The following SLC6A16 variants were observed in gnomAD, a reference collection of about 807,000 sequenced individuals.
The protein encoded by SLC6A16 is solute carrier family 6 member 16, also known as orphan sodium- and chloride-dependent neurotransmitter transporter NTT5.
A neutral mutation model predicts 65.4 loss-of-function variants in SLC6A16; 54 were observed. The ratio of observed to expected loss-of-function variants is 0.83; its 90% CI spans 0.66 to 1.04. The LOEUF (loss-of-function observed/expected upper bound fraction) is 1.04. Among genes scored for constraint, SLC6A16 ranks in the 50% least tolerant of loss-of-function variants. SLC6A16 has a pLI of 0.00. For synonymous variants in SLC6A16, 330 were observed against 346.5 expected, an observed-to-expected ratio of 0.95 and a Z score of 0.53; for missense variants, 816 against 914.0, an observed-to-expected ratio of 0.89 and a Z score of 1.38.
chr19:49,338,804 G>T, the SLC6A16 span: 1 of 1,613,934 alleles, frequency 6.2e-7, no homozygotes, highest in South Asian at 1.1e-5. This position sits in a 1 kb window ranked among gnomAD's most constrained non-coding sequence, Gnocchi z 5.0. Flanking sequence ...GCTACAACTT[G>T]TCGGCGACCA....
At chr19:49,301,521 G>A (rs1970292265) in intron 7 of SLC6A16, among the ~76,000 whole-genome samples, 1 of 152,200 alleles carries the variant, frequency 6.6e-6, no homozygotes, top group African/African-American at 2.4e-5. Context: ...CCTGGCCACT[G>A]TGCAGCTCCC....
the SLC6A16 span, chr19:49,338,585 C>T: frequency 9.2e-6 from 7 of 759,572 alleles, no homozygotes; most frequent in South Asian, 7.8e-5. This position sits in a 1 kb window ranked among gnomAD's most constrained non-coding sequence, Gnocchi z 5.0. Flanking sequence ...CCACTCCACA[C>T]CCACCACTTA....
intron 1 of SLC6A16, among the ~76,000 whole-genome samples, chr19:49,319,634 C>T (rs1411849195): frequency 1.3e-5 from 2 of 151,664 alleles, no homozygotes; most frequent in African/African-American, 4.8e-5. Flanking sequence ...CTTTAATACC[C>T]CACTACGAAC....
At chr19:49,335,767 C>T in the SLC6A16 span, 1 of 1,613,502 alleles carries the variant, frequency 6.2e-7, no homozygotes, top group Non-Finnish European at 8.5e-7. This position sits in a 1 kb window ranked among gnomAD's most constrained non-coding sequence, Gnocchi z 4.6. Flanking sequence ...TTGACAAGAC[C>T]AGCTTCGTGT....
At chr19:49,315,455 T>G (rs1970599308) in intron 1 of SLC6A16, among the ~76,000 whole-genome samples, 1 of 152,010 alleles carries the variant, frequency 6.6e-6, no homozygotes, top group African/African-American at 2.4e-5. Context: ...AAGCAGAAAA[T>G]CATGCAGGGA....
At chr19:49,339,421 G>C in the SLC6A16 span, 1 of 1,612,512 alleles carries the variant, frequency 6.2e-7, no homozygotes, top group East Asian at 2.2e-5. The surrounding 1 kb of genome is among the most constrained non-coding windows in gnomAD (Gnocchi z 4.5). Context: ...GAGGTGATCT[G>C]GCCCCGCCCC....
the SLC6A16 span, chr19:49,338,918 G>A: frequency 1.2e-6 from 2 of 1,613,244 alleles, no homozygotes; most frequent in Non-Finnish European, 8.5e-7. This position sits in a 1 kb window ranked among gnomAD's most constrained non-coding sequence, Gnocchi z 5.0. Context: ...TCCCTGCAGA[G>A]AGCCACATCT....
the SLC6A16 span, chr19:49,336,916 C>T: frequency 2.5e-6 from 4 of 1,614,006 alleles, no homozygotes; most frequent in Non-Finnish European, 1.7e-6. Flanking sequence ...CAGGCTTGGC[C>T]TTCGTGCCTC....
intron 8 of SLC6A16, 80 bp downstream of exon 8, chr19:49,294,287 G>A: frequency 3.7e-6 from 5 of 1,369,456 alleles, no homozygotes; most frequent in South Asian, 2.5e-5. Context: ...ATTTTTGCTG[G>A]TGCTAATAAA....
chr19:49,293,508 T>A, intron 9 of SLC6A16, 126 bp from the exon 10 acceptor site: 1 of 862,398 alleles, frequency 1.2e-6, no homozygotes, highest in Non-Finnish European at 1.8e-6. Context: ...CTTACATGTG[T>A]AATCCAAGCA....
chr19:49,335,364 T>TACATGAAG, the SLC6A16 span: 4 of 620,030 alleles, frequency 6.5e-6, no homozygotes, highest in Non-Finnish European at 1.1e-5. The surrounding 1 kb of genome is among the most constrained non-coding windows in gnomAD (Gnocchi z 4.6). Flanking sequence ...AAAGCCACCT[T>TACATGAAG]ACATGAAGCG....
intron 1 of SLC6A16, among the ~76,000 whole-genome samples, chr19:49,316,050 T>C (rs913912496): frequency 5.3e-5 from 8 of 152,136 alleles, no homozygotes; most frequent in Non-Finnish European, 1.2e-4. Context: ...ACAGATAAAT[T>C]ATTTAAATTA....
At chr19:49,319,088 C>T (rs1420805553) in intron 1 of SLC6A16, among the ~76,000 whole-genome samples, 1 of 151,498 alleles carries the variant, frequency 6.6e-6, no homozygotes, top group East Asian at 1.9e-4. Flanking sequence ...CTGAAGATTA[C>T]TGGCAGATTT....
At chr19:49,314,332 C>T (rs1389334200) in intron 1 of SLC6A16, among the ~76,000 whole-genome samples, 1 of 152,058 alleles carries the variant, frequency 6.6e-6, no homozygotes, top group African/African-American at 2.4e-5. Flanking sequence ...AAACCTCTTC[C>T]TTATAGTAGA....
intron 1 of SLC6A16, chr19:49,312,608 T>C (rs1970543238): frequency 6.1e-6 from 6 of 981,488 alleles, no homozygotes; most frequent in Non-Finnish European, 7.3e-6. Flanking sequence ...GCAAGGAGTG[T>C]GCTGAAAAAA....
intron 6 of SLC6A16, 81 bp from the exon 7 acceptor site, chr19:49,309,198 G>C: frequency 6.3e-7 from 1 of 1,594,014 alleles, no homozygotes; most frequent in Non-Finnish European, 8.6e-7. Context: ...GCAGGGAGGA[G>C]AGAGGGAGAT....
chr19:49,337,698 G>A, the SLC6A16 span: 10 of 1,532,304 alleles, frequency 6.5e-6, no homozygotes, highest in Non-Finnish European at 8.7e-6. Context: ...GAAAAAGAGA[G>A]AACAAGAGAA....
rs761923828 is a variant in SLC6A16 at position 49,310,367 on chromosome 19, A to T, written c.559T>A (p.Tyr187Asn). 1 of 1,613,796 alleles carries T rather than the reference A, an allele frequency of 6.2e-7. No homozygotes were observed. Among genetic ancestry groups the T allele is most frequent in the South Asian group, 1.1e-5 (1 of 91,048 alleles). ...GGGCTCCTCACCATGAAGCTAGAATACCCCACACCACCAATCCAGGGGGCA... is the reference window on the plus strand; with the variant it reads ...GGGCTCCTCACCATGAAGCTAGAATTCCCCACACCACCAATCCAGGGGGCA... ...IIAPWIGGVG[Y>N]SSFMVCFILG... Residue 187 changes from tyrosine (Y) to asparagine (N), a missense_variant, in exon 3 of 12, where the codon TAT (tyrosine) becomes AAT (asparagine). Transcript: ENST00000335875.
chr19:49,301,462 T>C (rs969815783), intron 7 of SLC6A16, among the ~76,000 whole-genome samples: 4 of 152,172 alleles, frequency 2.6e-5, no homozygotes, highest in Non-Finnish European at 4.4e-5. Flanking sequence ...AGTGGCCTGC[T>C]CAACACGGGT....
Sources: allele counts gnomAD v4.1 joint callset (sites outside exome capture counted in the v4.1 genomes callset), GRCh38; gene constraint gnomAD v4.1.1; non-coding constraint Gnocchi (gnomAD v3.1); transcripts MANE v1.5; gene names NCBI Gene and HGNC (gene_info 2026-07-23, HGNC 2026-07-21).